The following LY96 variants were observed in gnomAD, a reference collection of about 807,000 sequenced individuals.
LY96 encodes myeloid differentiation protein-2.
In LY96, 18 loss-of-function variants were observed where a neutral mutation model predicts 18.9. That is an observed-to-expected ratio of 0.95 (90% CI 0.66 to 1.41). LY96 has a LOEUF of 1.41. Ranked by LOEUF, LY96 falls within the 40% of genes most tolerant of loss-of-function variation. LY96 has a pLI of 0.00. For missense variants in LY96, 175 were observed against 182.4 expected (o/e 0.96, Z 0.23); for synonymous variants, 66 against 62.6 (o/e 1.06, Z -0.26).
At chr8:74,039,362 C>T in the LY96 span, among the ~76,000 whole-genome samples, 2 of 152,006 alleles carry the variant, frequency 1.3e-5, no homozygotes, top group Non-Finnish European at 2.9e-5. Context: ...ATCTTTTTAA[C>T]TTGATGTGAT....
intron 3 of LY96, among the ~76,000 whole-genome samples, chr8:74,019,247 G>T (rs1024083980): frequency 2.6e-5 from 4 of 152,096 alleles, no homozygotes; most frequent in African/African-American, 7.2e-5. Context: ...TATCACCACC[G>T]TTCCCACAGA....
chr8:73,997,287 A>G (rs1415133123), intron 1 of LY96, among the ~76,000 whole-genome samples: 1 of 152,104 alleles, frequency 6.6e-6, no homozygotes, highest in Non-Finnish European at 1.5e-5. Context: ...TCCTGTTTTC[A>G]TGATCTCCAG....
At chr8:74,013,327 T>A (rs1816569401) in intron 3 of LY96, among the ~76,000 whole-genome samples, 1 of 152,170 alleles carries the variant, frequency 6.6e-6, no homozygotes. Flanking sequence ...TTCATCATGT[T>A]AGCCAGGCTG....
intron 1 of LY96, among the ~76,000 whole-genome samples, chr8:73,994,202 C>A (rs749001785): frequency 2.6e-5 from 4 of 151,822 alleles, no homozygotes; most frequent in Admixed American, 2.6e-4. Context: ...TCTGAGAAAC[C>A]CTGTGGTCCT....
the LY96 span, among the ~76,000 whole-genome samples, chr8:74,081,023 T>TC: frequency 1.5e-5 from 2 of 131,706 alleles, no homozygotes; most frequent in Admixed American, 1.5e-4. Context: ...TCTTTCTTTC[T>TC]TTCTTTCTTT....
intron 1 of LY96, among the ~76,000 whole-genome samples, chr8:73,997,405 G>T (rs1354716239): frequency 6.6e-6 from 1 of 152,108 alleles, no homozygotes; most frequent in Non-Finnish European, 1.5e-5. Context: ...CTCTGCTTCA[G>T]TTCTTGCCAC....
At chr8:74,074,908 G>C in the LY96 span, among the ~76,000 whole-genome samples, 2 of 152,254 alleles carry the variant, frequency 1.3e-5, no homozygotes, top group East Asian at 3.9e-4. Flanking sequence ...CCTAACACAT[G>C]ATCTATCCTT....
At chr8:74,053,274 C>T in the LY96 span, among the ~76,000 whole-genome samples, 1 of 152,198 alleles carries the variant, frequency 6.6e-6, no homozygotes, top group Non-Finnish European at 1.5e-5. Flanking sequence ...TTAATTCCTA[C>T]TCTCAATGTC....
the LY96 span, among the ~76,000 whole-genome samples, chr8:74,086,861 C>T: frequency 6.6e-6 from 1 of 152,240 alleles, no homozygotes; most frequent in African/African-American, 2.4e-5. Flanking sequence ...CAAAGAAGTG[C>T]AGCCCTCGCT....
intron 1 of LY96, among the ~76,000 whole-genome samples, chr8:73,997,065 C>G (rs1380749246): frequency 6.6e-6 from 1 of 152,104 alleles, no homozygotes. Context: ...TAGTAGAGAC[C>G]AGGCTGATCT....
chr8:74,016,354 CCTGAAAGCTCGAA>C (rs1816642212), intron 3 of LY96, among the ~76,000 whole-genome samples: 1 of 152,200 alleles, frequency 6.6e-6, no homozygotes, highest in Non-Finnish European at 1.5e-5. Flanking sequence ...AACAAAGAGG[CCTGAAAGCTCGAA>C]CTGGGTGGAG....
the LY96 span, among the ~76,000 whole-genome samples, chr8:74,051,911 A>C: frequency 6.6e-6 from 1 of 152,140 alleles, no homozygotes. Flanking sequence ...GTGGGGTTCA[A>C]TTTTACTCCC....
intron 1 of LY96, among the ~76,000 whole-genome samples, chr8:73,996,368 CATTCCTTTCTTTCTTTCTTTCTTT>C (rs1256855477): frequency 1.7e-3 from 106 of 62,532 alleles, no homozygotes; most frequent in African/African-American, 5.1e-3. Context: ...TTCCTTCCTT[CATTCCTTTCTTTCTTTCTTTCTTT>C]CTTTCTTTCT....
At chr8:74,082,770 G>A in the LY96 span, among the ~76,000 whole-genome samples, 2 of 152,134 alleles carry the variant, frequency 1.3e-5, no homozygotes, top group African/African-American at 2.4e-5. Context: ...CCGTCATGGC[G>A]AAATATGACT....
chr8:74,040,641 G>GTAGATGTA, the LY96 span, among the ~76,000 whole-genome samples: 1 of 150,060 alleles, frequency 6.7e-6, no homozygotes, highest in East Asian at 2.0e-4. Flanking sequence ...TCAGTTCAAT[G>GTAGATGTA]TAGATGTATG....
chr8:74,067,951 C>T, the LY96 span, among the ~76,000 whole-genome samples: 1 of 149,164 alleles, frequency 6.7e-6, no homozygotes, highest in African/African-American at 2.5e-5. Flanking sequence ...ATCCCAGCTA[C>T]TAGGGAGGCT....
At chr8:74,081,244 C>G in the LY96 span, among the ~76,000 whole-genome samples, 1 of 144,754 alleles carries the variant, frequency 6.9e-6, no homozygotes, top group African/African-American at 2.6e-5. Context: ...TTCTTTCCCT[C>G]TCTCCCTTTC....
intron 1 of LY96, among the ~76,000 whole-genome samples, chr8:73,992,464 A>G (rs1481096809): frequency 2.6e-5 from 4 of 152,172 alleles, no homozygotes; most frequent in African/African-American, 9.7e-5. Flanking sequence ...TTGGGTTCTG[A>G]GAAGTTCTGC....
the LY96 span, among the ~76,000 whole-genome samples, chr8:74,089,538 G>C: frequency 6.6e-6 from 1 of 152,178 alleles, no homozygotes; most frequent in Admixed American, 6.5e-5. Flanking sequence ...CCAGGGTCTA[G>C]AGAATGAGAA....
Sources: allele counts gnomAD v4.1 joint callset (sites outside exome capture counted in the v4.1 genomes callset), GRCh38; gene constraint gnomAD v4.1.1; transcripts MANE v1.5; gene names NCBI Gene and HGNC (gene_info 2026-07-23, HGNC 2026-07-21).